MICAL2: variants seen among roughly 807,000 people sequenced by gnomAD.
The protein encoded by MICAL2 is [F-actin]-monooxygenase MICAL2.
Under a neutral mutation model 127.3 loss-of-function variants are expected in MICAL2, and 77 were observed. The observed-to-expected ratio is 0.60, with a 90% CI of 0.50 to 0.73. The LOEUF (loss-of-function observed/expected upper bound fraction) is 0.73. MICAL2 is among the 30% of genes least tolerant of loss of function. MICAL2 has a pLI of 0.00. For missense variants in MICAL2, 1,351 were observed against 1,434.4 expected (o/e 0.94, Z 0.94); for synonymous variants, 570 against 551.1 (o/e 1.03, Z -0.48).
exon 3 of MICAL2, chr11:12,287,128 A>G (rs1863835828): frequency 5.0e-6 from 2 of 398,786 alleles, no homozygotes; most frequent in Non-Finnish European, 8.8e-6. Context: ...TCCAACCCCA[A>G]GCAAATACCA....
At chr11:12,356,637 C>T (rs1231702988) in intron 34 of MICAL2, among the ~76,000 whole-genome samples, 1 of 152,216 alleles carries the variant, frequency 6.6e-6, no homozygotes. Flanking sequence ...GCGGGCATTC[C>T]TGGCTCACCC....
At chr11:12,127,996 A>C (rs1335446058) in intron 1 of MICAL2, among the ~76,000 whole-genome samples, 1 of 152,248 alleles carries the variant, frequency 6.6e-6, no homozygotes, top group South Asian at 2.1e-4. Context: ...AGCACCTGAC[A>C]TATAATAAGT....
intron 16 of MICAL2, 57 bp from the exon 17 acceptor site, chr11:12,239,379 T>C: frequency 6.2e-7 from 1 of 1,610,962 alleles, no homozygotes; most frequent in Non-Finnish European, 8.5e-7. Flanking sequence ...CCAAGTCTGC[T>C]TTCTGATATC....
chr11:12,214,297 A>G (rs1435945493), intron 7 of MICAL2, among the ~76,000 whole-genome samples: 1 of 152,234 alleles, frequency 6.6e-6, no homozygotes, highest in African/African-American at 2.4e-5. Flanking sequence ...TAAAATCTGT[A>G]TATGGAAAAT....
chr11:12,261,071 G>A, intron 26 of MICAL2: 1 of 985,512 alleles, frequency 1.0e-6, no homozygotes, highest in Non-Finnish European at 1.2e-6. Flanking sequence ...GGCTGTGCAG[G>A]GTCCATATTG....
intron 3 of MICAL2, among the ~76,000 whole-genome samples, chr11:12,172,361 G>A (rs1856372040): frequency 6.6e-6 from 1 of 152,198 alleles, no homozygotes; most frequent in African/African-American, 2.4e-5. Flanking sequence ...CTTAGTAGGT[G>A]TTTGGAGTGC....
intron 1 of MICAL2, among the ~76,000 whole-genome samples, chr11:12,127,046 G>C (rs1233136629): frequency 6.6e-6 from 1 of 152,202 alleles, no homozygotes; most frequent in Non-Finnish European, 1.5e-5. Flanking sequence ...ATGAGGCTAG[G>C]CAGGTGAGTT....
intron 24 of MICAL2, among the ~76,000 whole-genome samples, chr11:12,270,255 T>C (rs1363958249): frequency 6.6e-6 from 1 of 152,200 alleles, no homozygotes; most frequent in South Asian, 2.1e-4. Context: ...ATCCCAGATA[T>C]CTACCTGTGT....
intron 32 of MICAL2, among the ~76,000 whole-genome samples, chr11:12,347,645 T>C (rs1938975790): frequency 6.6e-6 from 1 of 152,134 alleles, no homozygotes; most frequent in South Asian, 2.1e-4. Context: ...CAATAAAAAA[T>C]AATACAGATA....
chr11:12,140,912 G>A (rs1342141489), intron 2 of MICAL2, among the ~76,000 whole-genome samples: 1 of 152,180 alleles, frequency 6.6e-6, no homozygotes, highest in African/African-American at 2.4e-5. Flanking sequence ...AGAAGGACAG[G>A]TGTGTATTAT....
intron 8 of MICAL2, among the ~76,000 whole-genome samples, chr11:12,219,500 C>T (rs527450142): frequency 7.9e-6 from 1 of 126,696 alleles, no homozygotes; most frequent in African/African-American, 3.1e-5. Flanking sequence ...TGCTCTCTAA[C>T]CTGGGAGACA....
intron 2 of MICAL2, among the ~76,000 whole-genome samples, chr11:12,283,783 CTT>C (rs1193924532): frequency 6.6e-6 from 1 of 152,180 alleles, no homozygotes; most frequent in African/African-American, 2.4e-5. Context: ...CATGAAGAAA[CTT>C]ATTACATCCT....
chr11:12,119,587 C>T (rs1400163646), intron 1 of MICAL2, among the ~76,000 whole-genome samples: 1 of 152,210 alleles, frequency 6.6e-6, no homozygotes, highest in Non-Finnish European at 1.5e-5. Flanking sequence ...GAATGCAACA[C>T]CTTTCCCCCA....
chr11:12,193,563 T>C (rs1217803523), intron 3 of MICAL2, among the ~76,000 whole-genome samples: 1 of 152,056 alleles, frequency 6.6e-6, no homozygotes, highest in Admixed American at 6.5e-5. Flanking sequence ...CAAGTGCCTG[T>C]GAGGGAGAGA....
At chr11:12,268,501 G>T (rs957484300), downstream of MICAL2, among the ~76,000 whole-genome samples, 1 of 152,228 alleles carries the variant, frequency 6.6e-6, no homozygotes, top group African/African-American at 2.4e-5. Context: ...TGAGACAAGG[G>T]ACAGGGTGGG....
At chr11:12,179,112 C>A (rs79359982) in intron 3 of MICAL2, among the ~76,000 whole-genome samples, 22 of 152,114 alleles carry the variant, frequency 1.4e-4, no homozygotes, top group Non-Finnish European at 2.8e-4. Flanking sequence ...ATTCAAAACT[C>A]CCACTGCCTG....
intron 12 of MICAL2, chr11:12,224,433 G>A (rs1857169674): frequency 3.8e-6 from 2 of 529,032 alleles, no homozygotes. Context: ...AACACAGTAG[G>A]TCTTAGGAAC....
At chr11:12,292,338 A>T, downstream of MICAL2, 1 of 1,599,950 alleles carries the variant, frequency 6.3e-7, no homozygotes, top group Non-Finnish European at 8.6e-7. Context: ...TCAGGAAGCT[A>T]ACCTACCTGT....
chr11:12,308,669 G>T (rs1441442453), intron 29 of MICAL2, among the ~76,000 whole-genome samples: 1 of 152,066 alleles, frequency 6.6e-6, no homozygotes, highest in Non-Finnish European at 1.5e-5. Context: ...CAATCATGTT[G>T]TCTGCCAATA....
Sources: gnomAD v4.1 joint callset for allele counts (sites outside exome capture counted in the v4.1 genomes callset) on GRCh38, gnomAD v4.1.1 for gene constraint, MANE v1.5 for transcripts, NCBI Gene and HGNC (gene_info 2026-07-23, HGNC 2026-07-21) for gene names.